AOAH: variants seen among roughly 807,000 people sequenced by gnomAD.
AOAH encodes the protein acyloxyacyl hydrolase, also known as acyloxyacyl hydrolase (neutrophil).
In AOAH, 64 loss-of-function variants were observed where a neutral mutation model predicts 92.2. That is an observed-to-expected ratio of 0.69 (90% CI 0.57 to 0.86). The LOEUF (loss-of-function observed/expected upper bound fraction) is 0.86, where lower values mean the gene tolerates loss of function less well. AOAH is among the 40% of genes least tolerant of loss of function. AOAH has a pLI of 0.00. For synonymous variants in AOAH, 263 were observed against 254.5 expected, an observed-to-expected ratio of 1.03 and a Z score of -0.32; for missense variants, 656 against 694.6, an observed-to-expected ratio of 0.94 and a Z score of 0.62.
intron 4 of AOAH, among the ~76,000 whole-genome samples, chr7:36,647,514 T>C (rs963621706): frequency 2.0e-5 from 3 of 152,262 alleles, no homozygotes; most frequent in African/African-American, 7.2e-5. Flanking sequence ...AGAAAAATGT[T>C]CATATCTCAA....
intron 1 of AOAH, among the ~76,000 whole-genome samples, chr7:36,712,230 A>T (rs1584175596): frequency 1.3e-5 from 2 of 152,186 alleles, no homozygotes; most frequent in African/African-American, 4.8e-5. Context: ...CTCTGTGTTC[A>T]TCAATCAAAC....
At chr7:36,560,822 G>A (rs1210451191) in intron 13 of AOAH, among the ~76,000 whole-genome samples, 1 of 152,162 alleles carries the variant, frequency 6.6e-6, no homozygotes, top group Non-Finnish European at 1.5e-5. Context: ...CTTCTCAAGG[G>A]AAATGCTGCC....
intron 13 of AOAH, among the ~76,000 whole-genome samples, chr7:36,553,855 T>C (rs1786473240): frequency 6.6e-6 from 1 of 152,238 alleles, no homozygotes; most frequent in Non-Finnish European, 1.5e-5. Context: ...GTAAATTTGT[T>C]TGAGTTCATT....
At chr7:36,552,496 T>A (rs1028435424) in intron 13 of AOAH, among the ~76,000 whole-genome samples, 1 of 152,178 alleles carries the variant, frequency 6.6e-6, no homozygotes, top group Non-Finnish European at 1.5e-5. Flanking sequence ...ACAGAATGAT[T>A]TATATCCCAT....
rs1027489554 is a variant in AOAH at position 36,596,444 on chromosome 7, T to C, written c.847-2014A>G. Among the ~76,000 whole-genome samples, 13 of 152,158 alleles carry C rather than the reference T, an allele frequency of 8.5e-5. No individual in the cohort carries two copies. The East Asian group carries it at 1.5e-3, about 18-fold the overall frequency. On this transcript the variant is annotated intron_variant, in intron 11 of 20. Transcript: ENST00000617537. ...ACCCCACCTCAGAATGTGACCTTGT[T>C]TGGAAATAGAGTCGTTGCAGATGTA...
At chr7:36,583,539 T>C (rs759984759) in intron 12 of AOAH, among the ~76,000 whole-genome samples, 2 of 152,134 alleles carry the variant, frequency 1.3e-5, no homozygotes, top group Non-Finnish European at 2.9e-5. Flanking sequence ...ATACAGAATA[T>C]GACTCACCGT....
chr7:36,577,024 C>CTTTTTTTT (rs565396541), intron 12 of AOAH, among the ~76,000 whole-genome samples: 2 of 131,438 alleles, frequency 1.5e-5, no homozygotes, highest in Non-Finnish European at 3.3e-5. Context: ...TGTTGCCTTT[C>CTTTTTTTT]TTTTTTTTTT....
At chr7:36,514,727 TG>T (rs968266174) in intron 20 of AOAH, 104 of 654,108 alleles carry the variant, frequency 1.6e-4, no homozygotes, top group Non-Finnish European at 2.1e-4. Flanking sequence ...GGGAATACAT[TG>T]TTCGGGAAGG....
intron 4 of AOAH, among the ~76,000 whole-genome samples, chr7:36,642,584 A>G (rs1306294168): frequency 6.6e-6 from 1 of 152,194 alleles, no homozygotes; most frequent in East Asian, 1.9e-4. Context: ...CTCGCTCTCC[A>G]GGGTGATTTT....
intron 1 of AOAH, among the ~76,000 whole-genome samples, chr7:36,719,052 TTAAC>T (rs1446820041): frequency 2.0e-5 from 3 of 152,224 alleles, no homozygotes; most frequent in African/African-American, 4.8e-5. Context: ...AAGCCAAGTT[TTAAC>T]TAACTATGTA....
At chr7:36,532,766 G>T (rs534246962) in intron 16 of AOAH, among the ~76,000 whole-genome samples, 1 of 152,328 alleles carries the variant, frequency 6.6e-6, no homozygotes, top group Admixed American at 6.5e-5. Flanking sequence ...CGAGGTGGCG[G>T]TTGACCTAAT....
At chr7:36,707,025 C>T (rs1798456713) in intron 1 of AOAH, among the ~76,000 whole-genome samples, 1 of 139,868 alleles carries the variant, frequency 7.1e-6, no homozygotes, top group African/African-American at 2.7e-5. Flanking sequence ...AATTTTTTTT[C>T]AATAACTTTC....
intron 1 of AOAH, among the ~76,000 whole-genome samples, chr7:36,699,894 C>T (rs896376879): frequency 6.6e-6 from 1 of 151,906 alleles, no homozygotes; most frequent in African/African-American, 2.4e-5. Flanking sequence ...TGGAGTTCTC[C>T]CCCAATGTTT....
intron 1 of AOAH, among the ~76,000 whole-genome samples, chr7:36,708,992 C>T (rs1332372355): frequency 6.6e-6 from 1 of 152,054 alleles, no homozygotes; most frequent in Non-Finnish European, 1.5e-5. Flanking sequence ...TTCCCCTGGG[C>T]TTTCTTTCAC....
At chr7:36,520,421 G>A (rs952717393) in intron 20 of AOAH, among the ~76,000 whole-genome samples, 2 of 152,056 alleles carry the variant, frequency 1.3e-5, no homozygotes, top group African/African-American at 2.4e-5. Flanking sequence ...CTAGAAAGAA[G>A]GGGGCCGGGC....
intron 2 of AOAH, among the ~76,000 whole-genome samples, chr7:36,678,539 G>GT (rs1487087117): frequency 2.8e-5 from 4 of 145,054 alleles, no homozygotes; most frequent in African/African-American, 1.0e-4. Flanking sequence ...CTTCTTTCTG[G>GT]TAAGATAAGC....
intron 20 of AOAH, among the ~76,000 whole-genome samples, chr7:36,517,513 A>G (rs1371353575): frequency 6.6e-6 from 1 of 151,840 alleles, no homozygotes; most frequent in Non-Finnish European, 1.5e-5. Context: ...AAGCAAAAAG[A>G]GAAAAACACA....
chr7:36,517,156 GTCTT>G (rs1554360832), intron 20 of AOAH, among the ~76,000 whole-genome samples: 1,397 of 95,450 alleles, frequency 0.015, 24 homozygotes, highest in Non-Finnish European at 0.014. Context: ...ATCCATGTTA[GTCTT>G]TCTTTCTTTC....
chr7:36,554,648 CTT>C (rs1179141903), intron 13 of AOAH, among the ~76,000 whole-genome samples: 7 of 151,870 alleles, frequency 4.6e-5, no homozygotes, highest in African/African-American at 1.7e-4. Context: ...TTTGTATCCT[CTT>C]TTATTTCATT....
Sources: gnomAD v4.1 joint callset for allele counts (sites outside exome capture counted in the v4.1 genomes callset) on GRCh38, gnomAD v4.1.1 for gene constraint, MANE v1.5 for transcripts, NCBI Gene and HGNC (gene_info 2026-07-23, HGNC 2026-07-21) for gene names.